Variants in SFSWAP observed in about 807,000 individuals in gnomAD.
SFSWAP encodes the protein splicing factor, suppressor of white-apricot homolog.
Under a neutral mutation model 100.7 loss-of-function variants are expected in SFSWAP, and 17 were observed. The ratio of observed to expected loss-of-function variants is 0.17; its 90% CI spans 0.12 to 0.25. The LOEUF is 0.25. Ranked by LOEUF, SFSWAP falls within the 10% of genes least tolerant of loss-of-function variation. SFSWAP has a pLI of 1.00. For synonymous variants in SFSWAP, 504 were observed against 510.1 expected (o/e 0.99, Z 0.16); for missense variants, 1,005 against 1,262.6 (o/e 0.80, Z 3.09).
At chr12:131,798,530 G>A (rs547083516) in intron 16 of SFSWAP, among the ~76,000 whole-genome samples, 2 of 152,254 alleles carry the variant, frequency 1.3e-5, no homozygotes, top group South Asian at 4.1e-4. Flanking sequence ...TTTTGAGTTA[G>A]ATTGCAATTT....
chr12:131,775,512 C>T (rs1237016423), intron 13 of SFSWAP, among the ~76,000 whole-genome samples: 1 of 152,090 alleles, frequency 6.6e-6, no homozygotes, highest in Non-Finnish European at 1.5e-5. Context: ...TGGTGTCCAC[C>T]CAGGGCTCGC....
At chr12:131,758,054 C>T (rs1460525541) in intron 11 of SFSWAP, 1 of 152,654 alleles carries the variant, frequency 6.6e-6, no homozygotes, top group Admixed American at 6.5e-5. Flanking sequence ...CTGGGAGCTT[C>T]CCAGAGGCAG....
At chr12:131,793,572 G>A (rs1885426898) in intron 15 of SFSWAP, among the ~76,000 whole-genome samples, 1 of 152,140 alleles carries the variant, frequency 6.6e-6, no homozygotes, top group Admixed American at 6.5e-5. Context: ...GATTCCTTAA[G>A]ATGTAGAAAC....
intron 7 of SFSWAP, among the ~76,000 whole-genome samples, chr12:131,731,096 G>A (rs1030599688): frequency 1.3e-5 from 2 of 152,192 alleles, no homozygotes; most frequent in African/African-American, 4.8e-5. Flanking sequence ...TGGGGGAGGT[G>A]TCCTCATCCA....
intron 11 of SFSWAP, among the ~76,000 whole-genome samples, chr12:131,760,329 C>G (rs1375628875): frequency 1.3e-5 from 2 of 152,012 alleles, no homozygotes; most frequent in Non-Finnish European, 2.9e-5. Flanking sequence ...TTTTATAAAT[C>G]AATACAAAAA....
intron 10 of SFSWAP, among the ~76,000 whole-genome samples, chr12:131,755,895 C>T (rs1016233018): frequency 2.6e-5 from 4 of 152,370 alleles, no homozygotes; most frequent in East Asian, 1.9e-4. Context: ...TCCTGCAGCA[C>T]GGCCTCTGCC....
At position 131,714,014 on chromosome 12, in the gene SFSWAP, ACG is replaced by A; in HGVS notation, c.219-55_219-54del. 1.5e-6 allele frequency: 2 copies of A among 1,330,126 alleles called. No homozygotes were observed. The highest frequency in any genetic ancestry group is 2.9e-5 in the African/African-American group (2 of 69,262). 82.4% of individuals were successfully genotyped at this position (1,330,126 alleles called of 1,614,324 possible). A position where few individuals can be genotyped will look rare whatever the true frequency, so the allele number is the denominator to read the frequency against. ...TATATACATATATAAAACATCACACACGCACACCAGTCTAGACGTTAATTTCC... is the reference window on the plus strand; with the variant it reads ...TATATACATATATAAAACATCACACACACACCAGTCTAGACGTTAATTTCC... On this transcript the variant is annotated intron_variant, in intron 1 of 17. Transcript: ENST00000261674. This position sits in a 1 kb window ranked among gnomAD's most constrained non-coding sequence, Gnocchi z 6.0.
Position 131,754,437 on chromosome 12 carries a change from C to T in SFSWAP, c.1392C>T (p.Ala464=), listed in dbSNP as rs769824319. Reference sequence around the variant, plus strand: ...TCCAGCCCGTGATTGACAAGCTGGCCGAGTATGTCGCCAGGAACGGCCTGA... The same window carrying T: ...TCCAGCCCGTGATTGACAAGCTGGCTGAGTATGTCGCCAGGAACGGCCTGA... ...PDVQPVIDKL[A]EYVARNGLKF... The change falls in exon 9 of 18, where the codon GCC becomes GCT. Residue 464 remains alanine, a synonymous_variant. Coordinates refer to ENST00000261674, the MANE Select transcript of SFSWAP (RefSeq NM_004592.4). 22 of 1,603,952 alleles carry T rather than the reference C, an allele frequency of 1.4e-5. No individual in the cohort carries two copies. The Admixed American group carries it at 2.1e-4, about 15-fold the overall frequency.
In SFSWAP at chr12:131,711,743, G is replaced by A. The variant is rs949212476; in HGVS notation, c.218+296G>A. On this transcript the variant is annotated intron_variant, in intron 1 of 17. Transcript: ENST00000261674. The surrounding 1 kb of genome is among the most constrained non-coding windows in gnomAD (Gnocchi z 4.9). ...TCGCTGGGCTGCAGTTGGCGATTCC[G>A]CGCGGTGAAAGCAGCCAGTGCCCAG... 3 of 388,484 alleles carry A rather than the reference G, an allele frequency of 7.7e-6. No homozygotes were observed. Among genetic ancestry groups the A allele is most frequent in the South Asian group, 6.2e-5 (2 of 32,262 alleles). The allele number at this position is 388,484 out of a possible 1,614,324, so 24.1% of individuals were successfully genotyped here.
rs1405947950 is a variant in SFSWAP at position 131,727,004 on chromosome 12, C to A, written c.897C>A (p.Pro299=). ...DDEEDGNYLH[P]SLFASKKCNR... ...AAGAAGATGGGAATTACCTTCATCC[C>A]TCTCTCTTTGCCTCCAAGAAGTGTA... The change falls in exon 6 of 18, where the codon CCC becomes CCA. Residue 299 remains proline (P), a synonymous_variant. Coordinates refer to ENST00000261674, the MANE Select transcript of SFSWAP (RefSeq NM_004592.4). The A allele has an allele frequency of 1.2e-6, 2 of 1,607,930 alleles. No homozygotes were observed. Among genetic ancestry groups the A allele is most frequent in the Non-Finnish European group, 8.5e-7 (1 of 1,176,934 alleles).
At chr12:131,718,192 A>G (rs1878115301) in intron 3 of SFSWAP, among the ~76,000 whole-genome samples, 1 of 152,254 alleles carries the variant, frequency 6.6e-6, no homozygotes, top group South Asian at 2.1e-4. Context: ...ATACCAGGAA[A>G]CCTGCTTAAA....
rs975284195 is a variant in SFSWAP, at chr12:131,799,261, C to G, written c.2790+152C>G. The stretch of plus-strand genomic sequence containing the variant: ...CACAGGCTCTGGGTGAGGCCGAGGG[C>G]AAAGCCGTGTGGCCCGCACCCTGCA... On this transcript the variant is annotated intron_variant, in intron 17 of 17. Coordinates refer to ENST00000261674, the MANE Select transcript of SFSWAP (RefSeq NM_004592.4). The G allele has an allele frequency of 1.2e-5, 12 of 1,022,788 alleles. No individual in the cohort carries two copies. In the Admixed American group the frequency reaches 1.8e-4, roughly 16 times the overall value. The allele number at this position is 1,022,788 out of a possible 1,614,324, so 63.4% of individuals were successfully genotyped here. A position where few individuals can be genotyped will look rare whatever the true frequency, so the allele number is the denominator to read the frequency against.
rs1292751061 is a variant in SFSWAP, at chr12:131,711,307, C to G, written c.78C>G (p.Ala26=). The part of the protein sequence containing the change: ...GAKEEAGPGG[A]GGGGSRVELL... ...AGGAGGAGGCCGGGCCAGGCGGTGC[C>G]GGCGGTGGGGGCAGCCGAGTGGAGC... Residue 26 remains alanine, a synonymous_variant, in exon 1 of 18, where the codon GCC becomes GCG. Coordinates refer to ENST00000261674, the MANE Select transcript of SFSWAP (RefSeq NM_004592.4). The surrounding 1 kb of genome is among the most constrained non-coding windows in gnomAD (Gnocchi z 4.9). The G allele has an allele frequency of 1.2e-6, 2 of 1,613,376 alleles. No homozygotes were observed. Among genetic ancestry groups the G allele is most frequent in the Non-Finnish European group, 1.7e-6 (2 of 1,179,786 alleles).
chr12:131,728,501 C>T, intron 7 of SFSWAP, 73 bp downstream of exon 7: 2 of 1,504,806 alleles, frequency 1.3e-6, no homozygotes, highest in South Asian at 2.4e-5. Flanking sequence ...GGCTCTAAAC[C>T]CCAAGTGTTC....
chr12:131,762,654 G>A (rs979663491), intron 11 of SFSWAP, among the ~76,000 whole-genome samples: 1 of 152,100 alleles, frequency 6.6e-6, no homozygotes, highest in Non-Finnish European at 1.5e-5. Flanking sequence ...TAGTGCAGTG[G>A]CGTGATCTCA....
chr12:131,777,494 T>G (rs536299496), intron 13 of SFSWAP, among the ~76,000 whole-genome samples: 2 of 152,366 alleles, frequency 1.3e-5, no homozygotes, highest in South Asian at 4.1e-4. Flanking sequence ...TATGGCTGCA[T>G]AGTATTCCAT....
At chr12:131,740,000 C>T (rs1277804784) in intron 7 of SFSWAP, among the ~76,000 whole-genome samples, 1 of 152,120 alleles carries the variant, frequency 6.6e-6, no homozygotes, top group Non-Finnish European at 1.5e-5. Context: ...TTCTGCCTGT[C>T]GAAAAATGCC....
At chr12:131,797,704 T>TC (rs1389423569) in intron 16 of SFSWAP, among the ~76,000 whole-genome samples, 1 of 152,052 alleles carries the variant, frequency 6.6e-6, no homozygotes, top group Non-Finnish European at 1.5e-5. Context: ...TGTCACCAGG[T>TC]CCCCAGGCTG....
chr12:131,756,483 C>T lies in SFSWAP; in HGVS notation c.1559C>T (p.Ala520Val), dbSNP rs752839370. ...EGGDSMQAVS[A>V]PEEAPTDSAP... The stretch of plus-strand genomic sequence containing the variant: ...ACATTTAATCTCTAGGCTGTGTCTG[C>T]ACCAGAAGAGGCTCCCACAGACTCT... Residue 520 changes from alanine to valine, a missense_variant, in exon 11 of 18, where the codon GCA becomes GTA. Transcript: ENST00000261674. 3 of 1,613,904 alleles carry T rather than the reference C, an allele frequency of 1.9e-6. No homozygotes were observed. Among genetic ancestry groups the T allele is most frequent in the Admixed American group, 1.7e-5 (1 of 60,018 alleles).
Sources: gnomAD v4.1 joint callset for allele counts (sites outside exome capture counted in the v4.1 genomes callset) on GRCh38, gnomAD v4.1.1 for gene constraint, Gnocchi (gnomAD v3.1) non-coding constraint, MANE v1.5 for transcripts, NCBI Gene and HGNC (gene_info 2026-07-23, HGNC 2026-07-21) for gene names.